IMPA2: variants seen among roughly 807,000 people sequenced by gnomAD.
The protein encoded by IMPA2 is IMP 2.
A neutral mutation model predicts 35.1 loss-of-function variants in IMPA2; 32 were observed. That is an observed-to-expected ratio of 0.91 (90% CI 0.69 to 1.23). IMPA2 has a LOEUF of 1.23. Ranked by LOEUF, IMPA2 falls within the 50% of genes most tolerant of loss-of-function variation. The pLI, the probability that IMPA2 is intolerant of heterozygous loss-of-function variation, is 0.00. For synonymous variants in IMPA2, 135 were observed against 160.6 expected, an observed-to-expected ratio of 0.84 and a Z score of 1.20; for missense variants, 334 against 387.6, an observed-to-expected ratio of 0.86 and a Z score of 1.16.
At chr18:12,002,577 C>T (rs1217050585) in intron 2 of IMPA2, among the ~76,000 whole-genome samples, 1 of 152,028 alleles carries the variant, frequency 6.6e-6, no homozygotes, top group East Asian at 1.9e-4. Flanking sequence ...AGTTTGAGAC[C>T]AGCCTGGGCA....
chr18:12,016,357 G>A (rs1907577804), intron 5 of IMPA2, among the ~76,000 whole-genome samples: 1 of 151,766 alleles, frequency 6.6e-6, no homozygotes, highest in Middle Eastern at 3.2e-3. Context: ...GGAGGTGACA[G>A]TGCATGCTCT....
In IMPA2 at chr18:11,991,574, G is replaced by A. The variant is rs886240037; in HGVS notation, c.97-7480G>A. Among the ~76,000 whole-genome samples the A allele has an allele frequency of 6.6e-6, 1 of 152,296 alleles. No individual in the cohort carries two copies. Among genetic ancestry groups the A allele is most frequent in the African/African-American group, 2.4e-5 (1 of 41,562 alleles). ...TTCTTCAGAGAAACAGGACCGGCAG[G>A]AGGTGGGTGGGTCCAGTCTGCAGGG... is the stretch of plus-strand genomic sequence containing the variant. On this transcript the variant is annotated intron_variant, in intron 1 of 7. Transcript: ENST00000269159. This position sits in a 1 kb window ranked among gnomAD's most constrained non-coding sequence, Gnocchi z 4.1.
chr18:11,986,151 C>G (rs549125184), intron 1 of IMPA2, among the ~76,000 whole-genome samples: 89 of 152,314 alleles, frequency 5.8e-4, no homozygotes, highest in African/African-American at 2.1e-3. Flanking sequence ...CGCAGACTTC[C>G]CCCTTCTCTA....
In IMPA2 at chr18:12,028,167, C is replaced by A. The variant is rs371905367; in HGVS notation, c.599+16C>A. 6.4e-5 allele frequency: 96 copies of A among 1,506,780 alleles called. 1 individual carries two copies. In the South Asian group the frequency reaches 9.6e-4, roughly 15 times the overall value. The allele number at this position is 1,506,780 out of a possible 1,614,324, so 93.3% of individuals were successfully genotyped here. The stretch of plus-strand genomic sequence containing the variant: ...AGGCGCATGGGTAGGAGGTTCAGTT[C>A]GGGGAACACCCTGCAGCCCGAGGAG... On this transcript the variant is annotated intron_variant, in intron 6 of 7. Transcript: ENST00000269159.
intron 5 of IMPA2, among the ~76,000 whole-genome samples, chr18:12,015,639 T>C (rs1174495250): frequency 6.6e-6 from 1 of 152,166 alleles, no homozygotes; most frequent in Non-Finnish European, 1.5e-5. Flanking sequence ...CAACCAGCAG[T>C]TGGACTCACC....
At chr18:12,015,488 C>T (rs933012573) in intron 5 of IMPA2, among the ~76,000 whole-genome samples, 28 of 151,354 alleles carry the variant, frequency 1.8e-4, no homozygotes, top group East Asian at 1.8e-3. Context: ...AGGAAAGTGG[C>T]GGGCCAGGAT....
At position 12,009,939 on chromosome 18, in the gene IMPA2, C is replaced by G; in HGVS notation, c.287C>G (p.Pro96Arg). Residue 96 changes from proline (P) to arginine (R), a missense_variant, in exon 3 of 8, where the codon CCG (proline) becomes CGG (arginine). Pro to Arg is a moderately radical substitution (Grantham distance 103). Coordinates refer to ENST00000269159, the MANE Select transcript of IMPA2 (RefSeq NM_014214.3). ...GCCAAGTGTGTGCTCACCCACAGCC[C>G]GACGTGGATCATCGACCCCATCGAC... Reference protein sequence around the residue: ...SGAKCVLTHSPTWIIDPIDGT... With the variant: ...SGAKCVLTHSRTWIIDPIDGT... The G allele has an allele frequency of 1.9e-6, 3 of 1,614,112 alleles. No homozygotes were observed. Among genetic ancestry groups the G allele is most frequent in the African/African-American group, 1.3e-5 (1 of 75,024 alleles).
At position 12,002,663 on chromosome 18, in the gene IMPA2, T is replaced by C. The variant is rs529310943; in HGVS notation, c.230+3476T>C. Among the ~76,000 whole-genome samples, 8 of 150,930 alleles carry C rather than the reference T, an allele frequency of 5.3e-5. No individual in the cohort carries two copies. The East Asian group carries it at 1.6e-3, about 30-fold the overall frequency. ...GCTGGTGCACGCTTATGCTCCCAGCTACTTGGAAGGCTGAGGTGAGAGGCT... is the reference window on the plus strand; with the variant it reads ...GCTGGTGCACGCTTATGCTCCCAGCCACTTGGAAGGCTGAGGTGAGAGGCT... On this transcript the variant is annotated intron_variant, in intron 2 of 7. Coordinates refer to ENST00000269159, the MANE Select transcript of IMPA2 (RefSeq NM_014214.3).
At chr18:12,012,672 C>T (rs1325688826) in intron 4 of IMPA2, among the ~76,000 whole-genome samples, 3 of 152,192 alleles carry the variant, frequency 2.0e-5, no homozygotes, top group African/African-American at 7.2e-5. Flanking sequence ...TCCCATAGAC[C>T]TTCTGAACTA....
At chr18:12,024,668 T>G (rs920313334) in intron 5 of IMPA2, among the ~76,000 whole-genome samples, 1 of 152,092 alleles carries the variant, frequency 6.6e-6, no homozygotes, top group African/African-American at 2.4e-5. Context: ...GCCATCCCAT[T>G]TTTTTCTTTT....
Position 11,981,635 on chromosome 18 carries a change from G to C in IMPA2, c.-35G>C. The C allele has an allele frequency of 8.2e-7, 1 of 1,217,264 alleles. No individual in the cohort carries two copies. The highest frequency in any genetic ancestry group is 3.2e-4 in the Middle Eastern group (1 of 3,162). 75.4% of individuals were successfully genotyped at this position (1,217,264 alleles called of 1,614,324 possible). A position where few individuals can be genotyped will look rare whatever the true frequency, so the allele number is the denominator to read the frequency against. ...CGGTGGGAGCCGGAGTCCCGCCGAGGGGGGCTGGAGGTGGAGGGGCCCGGC... is the reference window on the plus strand; with the variant it reads ...CGGTGGGAGCCGGAGTCCCGCCGAGCGGGGCTGGAGGTGGAGGGGCCCGGC... On this transcript the variant is annotated 5_prime_UTR_variant, in exon 1 of 8. Transcript: ENST00000269159.
At chr18:12,025,729 G>A (rs944675362) in intron 5 of IMPA2, among the ~76,000 whole-genome samples, 1 of 151,966 alleles carries the variant, frequency 6.6e-6, no homozygotes, top group Non-Finnish European at 1.5e-5. Flanking sequence ...ACAGGCACGT[G>A]CTGCCATACC....
chr18:11,984,316 A>G (rs1461714448), intron 1 of IMPA2, among the ~76,000 whole-genome samples: 1 of 152,104 alleles, frequency 6.6e-6, no homozygotes, highest in African/African-American at 2.4e-5. Flanking sequence ...CCAGCCACCC[A>G]CACTGTGACG....
In IMPA2 at chr18:12,028,911, C is replaced by A. The variant is rs768356028; in HGVS notation, c.669C>A (p.Tyr223Ter). Residue 223 changes from tyrosine (Y) to a stop codon, truncating the protein, a stop_gained, in exon 7 of 8, where the codon TAC becomes TAA. Transcript: ENST00000269159. LOFTEE classifies it high-confidence loss of function. ...HLASGAADAY[Y>*]QFGLHCWDLA... ...CCTCAGGGGCCGCGGATGCCTATTA[C>A]CAGTTTGGCCTGCACTGCTGGGATC... is the stretch of plus-strand genomic sequence containing the variant. 2 of 1,614,148 alleles carry A rather than the reference C, an allele frequency of 1.2e-6. No individual in the cohort carries two copies. Among genetic ancestry groups the A allele is most frequent in the Admixed American group, 1.7e-5 (1 of 60,022 alleles).
rs202132842 is a variant in IMPA2 at position 12,022,528 on chromosome 18, A to AATAT, written c.491-5490_491-5487dup. Among the ~76,000 whole-genome samples the AATAT allele has an allele frequency of 2.0e-3, 191 of 96,804 alleles. 5 individuals carry two copies. The highest frequency in any genetic ancestry group is 5.6e-3 in the African/African-American group (129 of 23,158). 63.5% of individuals were successfully genotyped at this position (96,804 alleles called of 152,430 possible). A position where few individuals can be genotyped will look rare whatever the true frequency, so the allele number is the denominator to read the frequency against. ...CAGAATGGGGCTCCATCTCAAAAAG[A>AATAT]ATATATATATATATATATATATATA... On this transcript the variant is annotated intron_variant, in intron 5 of 7. Coordinates refer to ENST00000269159, the MANE Select transcript of IMPA2 (RefSeq NM_014214.3).
In IMPA2 at chr18:12,028,857, A is replaced by G. The variant is rs1174754442; in HGVS notation, c.615A>G (p.Gly205=). 1 of 1,614,062 alleles carries G rather than the reference A, an allele frequency of 6.2e-7. No homozygotes were observed. The highest frequency in any genetic ancestry group is 1.1e-5 in the South Asian group (1 of 91,074). ...CTCTCCCCAGGGTCCGAGTGATTGG[A>G]AGCTCCACATTGGCACTCTGCCACC... ...HAKAHGVRVI[G]SSTLALCHLA... The change falls in exon 7 of 8, where the codon GGA becomes GGG. Residue 205 remains glycine, a synonymous_variant. Transcript: ENST00000269159.
chr18:11,990,562 C>A (rs1173737651), intron 1 of IMPA2, among the ~76,000 whole-genome samples: 1 of 152,046 alleles, frequency 6.6e-6, no homozygotes, highest in Non-Finnish European at 1.5e-5. Context: ...GGCAGAATTG[C>A]AGGTGGGTGT....
At chr18:12,027,219 A>G (rs1226280774) in intron 5 of IMPA2, among the ~76,000 whole-genome samples, 1 of 152,220 alleles carries the variant, frequency 6.6e-6, no homozygotes, top group African/African-American at 2.4e-5. Flanking sequence ...GTGTGGCACA[A>G]CAAGGACAAA....
chr18:12,007,671 CTTTCT>C (rs1907310742), intron 2 of IMPA2, among the ~76,000 whole-genome samples: 1 of 74,694 alleles, frequency 1.3e-5, no homozygotes, highest in African/African-American at 4.6e-5. Flanking sequence ...TTCTTTCTTT[CTTTCT>C]TTCCTTTCTT....
Sources: gnomAD v4.1 joint callset for allele counts (sites outside exome capture counted in the v4.1 genomes callset) on GRCh38, gnomAD v4.1.1 for gene constraint, Gnocchi (gnomAD v3.1) non-coding constraint, MANE v1.5 for transcripts, NCBI Gene and HGNC (gene_info 2026-07-23, HGNC 2026-07-21) for gene names.